MRTFB: variants seen among roughly 807,000 people sequenced by gnomAD.
The protein encoded by MRTFB is myocardin related transcription factor B, also known as myocardin-related transcription factor B.
In MRTFB, 29 loss-of-function variants were observed where a neutral mutation model predicts 104.2. That is an observed-to-expected ratio of 0.28 (90% CI 0.21 to 0.38). The LOEUF (loss-of-function observed/expected upper bound fraction) is 0.38. MRTFB is among the 10% of genes least tolerant of loss of function. The pLI, the probability that MRTFB is intolerant of heterozygous loss-of-function variation, is 1.00. For missense variants in MRTFB, 1,270 were observed against 1,341.6 expected (o/e 0.95, Z 0.83); for synonymous variants, 535 against 519.5 (o/e 1.03, Z -0.41).
At chr16:14,210,930 G>A (rs185554067) in intron 4 of MRTFB, among the ~76,000 whole-genome samples, 20 of 152,270 alleles carry the variant, frequency 1.3e-4, no homozygotes, top group African/African-American at 4.3e-4. Context: ...GTTTGGAGGT[G>A]GTTTTATATT....
the MRTFB span, among the ~76,000 whole-genome samples, chr16:14,054,401 GA>G: frequency 1.3e-5 from 2 of 152,114 alleles, no homozygotes; most frequent in Admixed American, 1.3e-4. Context: ...AATTATAGTA[GA>G]GATGGAGTTT....
At chr16:14,236,511 GTGA>G (rs2042519530) in intron 9 of MRTFB, among the ~76,000 whole-genome samples, 1 of 152,216 alleles carries the variant, frequency 6.6e-6, no homozygotes, top group African/African-American at 2.4e-5. Context: ...GTGCCGGGTG[GTGA>G]TGAATAATGT....
At chr16:14,123,212 T>C (rs2036942913) in intron 2 of MRTFB, among the ~76,000 whole-genome samples, 1 of 152,230 alleles carries the variant, frequency 6.6e-6, no homozygotes, top group African/African-American at 2.4e-5. Context: ...GATGGATAGA[T>C]TGCAAAAATT....
At chr16:14,027,532 G>A in the MRTFB span, among the ~76,000 whole-genome samples, 15 of 152,172 alleles carry the variant, frequency 9.9e-5, no homozygotes, top group Admixed American at 9.8e-4. Context: ...ATGAATGCAT[G>A]TAAACACTGG....
the MRTFB span, among the ~76,000 whole-genome samples, chr16:14,024,401 T>TA: frequency 2.0e-5 from 3 of 152,202 alleles, 1 homozygote; most frequent in Non-Finnish European, 4.4e-5. Flanking sequence ...CAGATAGAGG[T>TA]AGCCAAAGTC....
intron 2 of MRTFB, among the ~76,000 whole-genome samples, chr16:14,082,188 C>CT (rs985502597): frequency 6.6e-6 from 1 of 152,152 alleles, no homozygotes. Context: ...ACGTTTAAGT[C>CT]TTTAATACAT....
chr16:14,079,390 CTG>C (rs1201496584), intron 2 of MRTFB, 36 bp downstream of exon 2: 1 of 344,830 alleles, frequency 2.9e-6, no homozygotes, highest in Non-Finnish European at 5.3e-6. Context: ...AACAAAGAAA[CTG>C]TAATTTCTTT....
chr16:14,163,274 C>G (rs2039110848), intron 3 of MRTFB, among the ~76,000 whole-genome samples: 1 of 151,996 alleles, frequency 6.6e-6, no homozygotes, highest in African/African-American at 2.4e-5. Context: ...GGAAATAAGT[C>G]AGGTATGACC....
the MRTFB span, among the ~76,000 whole-genome samples, chr16:14,063,846 G>A: frequency 3.9e-5 from 6 of 152,170 alleles, no homozygotes; most frequent in African/African-American, 1.4e-4. Flanking sequence ...ATGGTGTATA[G>A]GTACCACATT....
chr16:14,225,452 T>C (rs2151264732), intron 8 of MRTFB, among the ~76,000 whole-genome samples: 1 of 152,310 alleles, frequency 6.6e-6, no homozygotes, highest in African/African-American at 2.4e-5. Flanking sequence ...AATTCTAAGA[T>C]GTTATTTGTA....
chr16:14,108,862 G>A (rs1326260886), intron 2 of MRTFB, among the ~76,000 whole-genome samples: 1 of 152,100 alleles, frequency 6.6e-6, no homozygotes, highest in South Asian at 2.1e-4. Context: ...CTCCCCTGCC[G>A]AATACAGTAG....
intron 14 of MRTFB, 21 bp from the exon 15 acceptor site, chr16:14,252,344 C>G: frequency 1.2e-6 from 2 of 1,610,358 alleles, no homozygotes; most frequent in African/African-American, 1.3e-5. Flanking sequence ...GTAATGTGCA[C>G]TCCTCCTTTA....
intron 2 of MRTFB, among the ~76,000 whole-genome samples, chr16:14,081,234 CATTT>C (rs1428467496): frequency 6.7e-6 from 1 of 149,912 alleles, no homozygotes; most frequent in Non-Finnish European, 1.5e-5. Context: ...TTTTAACTTG[CATTT>C]ATTAGTGCTG....
intron 3 of MRTFB, among the ~76,000 whole-genome samples, chr16:14,188,929 G>T (rs1567432175): frequency 6.6e-6 from 1 of 152,146 alleles, no homozygotes; most frequent in Non-Finnish European, 1.5e-5. Flanking sequence ...GATATAAAGA[G>T]GTAGAGGAGA....
At chr16:14,127,927 ATATT>A (rs1567356009) in intron 2 of MRTFB, among the ~76,000 whole-genome samples, 2 of 38,792 alleles carry the variant, frequency 5.2e-5, no homozygotes, top group Non-Finnish European at 7.7e-5. Flanking sequence ...ATATATATAT[ATATT>A]TTTTTTTTTT....
At chr16:14,007,919 GTTAT>G in the MRTFB span, among the ~76,000 whole-genome samples, 4 of 152,078 alleles carry the variant, frequency 2.6e-5, no homozygotes, top group South Asian at 4.1e-4. Context: ...TTTTAATGGG[GTTAT>G]TTGTCTTTTT....
At chr16:14,008,752 T>G in the MRTFB span, among the ~76,000 whole-genome samples, 1 of 152,218 alleles carries the variant, frequency 6.6e-6, no homozygotes, top group African/African-American at 2.4e-5. Context: ...GCATTGAATC[T>G]GTAGATCAAT....
chr16:14,223,887 A>C (rs2041871005), intron 8 of MRTFB, among the ~76,000 whole-genome samples: 1 of 152,356 alleles, frequency 6.6e-6, no homozygotes, highest in Middle Eastern at 3.4e-3. Flanking sequence ...ACAAGGATAC[A>C]TTCTGAGCAA....
chr16:14,120,534 T>TTG (rs1181460813), intron 2 of MRTFB, among the ~76,000 whole-genome samples: 393 of 152,362 alleles, frequency 2.6e-3, no homozygotes, highest in African/African-American at 8.8e-3. Flanking sequence ...GTGTCACTGA[T>TTG]TGCATAGTCT....
Sources: allele counts gnomAD v4.1 joint callset (sites outside exome capture counted in the v4.1 genomes callset), GRCh38; gene constraint gnomAD v4.1.1; transcripts MANE v1.5; gene names NCBI Gene and HGNC (gene_info 2026-07-23, HGNC 2026-07-21).